The following PKN2 variants were observed in gnomAD, a reference collection of about 807,000 sequenced individuals.
PKN2 encodes the protein serine/threonine-protein kinase N2.
PKN2 carries 38 observed loss-of-function variants against 119.1 expected under a neutral mutation model. The observed-to-expected ratio is 0.32, with a 90% CI of 0.25 to 0.42. The LOEUF (loss-of-function observed/expected upper bound fraction) is 0.42. Among genes scored for constraint, PKN2 ranks in the 10% least tolerant of loss-of-function variants. The pLI is 1.00. For missense variants in PKN2, 850 were observed against 1,165.1 expected (o/e 0.73, Z 3.94); for synonymous variants, 390 against 384.9 (o/e 1.01, Z -0.15).
intron 8 of PKN2, among the ~76,000 whole-genome samples, chr1:88,790,447 C>A (rs1248074205): frequency 6.6e-6 from 1 of 152,084 alleles, no homozygotes; most frequent in Non-Finnish European, 1.5e-5. Flanking sequence ...AACTTTTGTA[C>A]CAACCTAATA....
intron 8 of PKN2, among the ~76,000 whole-genome samples, chr1:88,787,837 C>T (rs926195876): frequency 2.0e-5 from 3 of 152,138 alleles, no homozygotes; most frequent in Non-Finnish European, 2.9e-5. Flanking sequence ...TTTCTTATCC[C>T]TAATTTGATT....
chr1:88,756,042 T>G (rs538496721), intron 2 of PKN2, among the ~76,000 whole-genome samples: 1 of 151,728 alleles, frequency 6.6e-6, no homozygotes, highest in African/African-American at 2.4e-5. Context: ...CTCCCTAGTA[T>G]CTGGGACTAC....
At chr1:88,826,108 C>A (rs571028742) in intron 18 of PKN2, among the ~76,000 whole-genome samples, 6 of 152,266 alleles carry the variant, frequency 3.9e-5, no homozygotes, top group Non-Finnish European at 8.8e-5. Flanking sequence ...TTGCTCTTCC[C>A]TTGTTGTTAT....
intron 1 of PKN2, among the ~76,000 whole-genome samples, chr1:88,726,028 G>T (rs1667885311): frequency 6.6e-6 from 1 of 152,158 alleles, no homozygotes; most frequent in Non-Finnish European, 1.5e-5. Flanking sequence ...ATAGAAGAAT[G>T]ATTATTTTTG....
chr1:88,802,721 C>T (rs1430271186), intron 8 of PKN2, among the ~76,000 whole-genome samples: 1 of 152,182 alleles, frequency 6.6e-6, no homozygotes, highest in Admixed American at 6.5e-5. Context: ...GAATAAATAG[C>T]AAATGAGGTG....
At chr1:88,832,116 T>G (rs1227170498) in intron 19 of PKN2, among the ~76,000 whole-genome samples, 3 of 152,030 alleles carry the variant, frequency 2.0e-5, no homozygotes, top group Non-Finnish European at 4.4e-5. Flanking sequence ...TTCCTTTCAG[T>G]CTAATTTTGT....
At chr1:88,785,271 GGCATATGCCACCAT>G (rs1392113106) in intron 7 of PKN2, among the ~76,000 whole-genome samples, 1 of 152,132 alleles carries the variant, frequency 6.6e-6, no homozygotes, top group East Asian at 1.9e-4. Context: ...TGGGACTATA[GGCATATGCCACCAT>G]GCCTGGCTAA....
chr1:88,786,663 A>G (rs1670589486), intron 8 of PKN2, among the ~76,000 whole-genome samples: 1 of 152,148 alleles, frequency 6.6e-6, no homozygotes, highest in Non-Finnish European at 1.5e-5. Context: ...TGGCCATAGA[A>G]CCCATCAGAA....
At chr1:88,761,613 A>T (rs1355060237) in intron 3 of PKN2, among the ~76,000 whole-genome samples, 3 of 103,100 alleles carry the variant, frequency 2.9e-5, no homozygotes, top group Non-Finnish European at 5.7e-5. Flanking sequence ...CTGTCTCTTT[A>T]AAAAAAAAAA....
At chr1:88,691,094 C>T (rs1260565590) in intron 1 of PKN2, among the ~76,000 whole-genome samples, 2 of 152,046 alleles carry the variant, frequency 1.3e-5, no homozygotes, top group African/African-American at 2.4e-5. Flanking sequence ...GACAGGATCT[C>T]GTTCTGTCAC....
intron 1 of PKN2, among the ~76,000 whole-genome samples, chr1:88,717,535 A>G (rs1344823862): frequency 1.3e-5 from 2 of 151,490 alleles, no homozygotes; most frequent in African/African-American, 4.9e-5. Flanking sequence ...GTTTCATTTC[A>G]TTCATTTGAT....
At chr1:88,734,842 A>C (rs2100732796) in intron 1 of PKN2, among the ~76,000 whole-genome samples, 1 of 152,312 alleles carries the variant, frequency 6.6e-6, no homozygotes, top group South Asian at 2.1e-4. Flanking sequence ...TAGCAACCCA[A>C]CTTTGATTGT....
At chr1:88,739,163 C>T (rs1478173288) in intron 1 of PKN2, among the ~76,000 whole-genome samples, 3 of 151,874 alleles carry the variant, frequency 2.0e-5, no homozygotes, top group African/African-American at 4.8e-5. Flanking sequence ...TTTTTGTTGG[C>T]GTTTCAAAGG....
At chr1:88,775,763 C>T (rs1670069509) in intron 6 of PKN2, among the ~76,000 whole-genome samples, 3 of 152,144 alleles carry the variant, frequency 2.0e-5, no homozygotes, top group Admixed American at 6.5e-5. Context: ...ATGCATTAGT[C>T]TTTTAAATCA....
At position 88,805,929 on chromosome 1, in the gene PKN2, C is replaced by T; in HGVS notation, c.1715C>T (p.Pro572Leu). 2 of 1,613,854 alleles carry T rather than the reference C, an allele frequency of 1.2e-6. No homozygotes were observed. The highest frequency in any genetic ancestry group is 1.7e-6 in the Non-Finnish European group (2 of 1,179,814). ...ACCAAATTGGACTTTGATCTTGAGC[C>T]TGAACCTCCTCCAGCCCCACCACGA... is the stretch of plus-strand genomic sequence containing the variant. ...TVTKLDFDLE[P>L]EPPPAPPRAS... Residue 572 changes from proline (P) to leucine (L), a missense_variant, in exon 12 of 22, where the codon CCT (proline) becomes CTT (leucine). Around this residue, in one of 9 missense-constraint regions of PKN2, gnomAD observed 216 missense variants for 252.8 expected, o/e 0.85. Coordinates refer to ENST00000370521, the MANE Select transcript of PKN2 (RefSeq NM_006256.4).
chr1:88,722,975 C>G (rs1360556750), intron 1 of PKN2, among the ~76,000 whole-genome samples: 5 of 152,082 alleles, frequency 3.3e-5, no homozygotes, highest in African/African-American at 1.2e-4. Flanking sequence ...CTGTGGGTCA[C>G]CTGGCAGGAG....
At chr1:88,708,447 G>A (rs569559482) in intron 1 of PKN2, among the ~76,000 whole-genome samples, 2 of 151,774 alleles carry the variant, frequency 1.3e-5, no homozygotes, top group Non-Finnish European at 1.5e-5. Flanking sequence ...TCTTTGTTTT[G>A]GAATATATGA....
chr1:88,740,880 TAAATG>T (rs1049327478), intron 1 of PKN2, 103 bp from the exon 2 acceptor site: 30 of 615,436 alleles, frequency 4.9e-5, no homozygotes, highest in Admixed American at 3.9e-4. Context: ...TAAATATAGT[TAAATG>T]TAATGTAATC....
intron 8 of PKN2, among the ~76,000 whole-genome samples, chr1:88,793,645 G>A (rs908924089): frequency 1.3e-5 from 2 of 152,074 alleles, no homozygotes; most frequent in African/African-American, 2.4e-5. Flanking sequence ...CATGGGGAAC[G>A]ATTTCAGGAC....
Sources: allele counts gnomAD v4.1 joint callset (sites outside exome capture counted in the v4.1 genomes callset), GRCh38; gene constraint gnomAD v4.1.1; regional missense constraint gnomAD v4.1.1; transcripts MANE v1.5; gene names NCBI Gene and HGNC (gene_info 2026-07-23, HGNC 2026-07-21).